Variants in TTC7A observed in about 807,000 individuals in gnomAD.
The protein encoded by TTC7A is tetratricopeptide repeat protein 7A.
Under a neutral mutation model 103.7 loss-of-function variants are expected in TTC7A, and 110 were observed. That is an observed-to-expected ratio of 1.06 (90% CI 0.91 to 1.24). The LOEUF (loss-of-function observed/expected upper bound fraction) is 1.24. TTC7A is among the 50% of genes most tolerant of loss of function. TTC7A has a pLI of 0.00. For synonymous variants in TTC7A, 521 were observed against 467.9 expected (o/e 1.11, Z -1.47); for missense variants, 1,340 against 1,116.3 (o/e 1.20, Z -2.86).
intron 15 of TTC7A, among the ~76,000 whole-genome samples, chr2:47,041,006 C>T (rs1681680973): frequency 6.6e-6 from 1 of 152,184 alleles, no homozygotes; most frequent in African/African-American, 2.4e-5. Flanking sequence ...GGTATTCAGG[C>T]GTTTCGATCA....
intron 18 of TTC7A, chr2:47,054,101 C>T (rs1223085536): frequency 2.0e-6 from 2 of 985,238 alleles, no homozygotes; most frequent in Non-Finnish European, 2.4e-6. Flanking sequence ...ATTCACTCCA[C>T]AGAAGAGAAC....
intron 11 of TTC7A, among the ~76,000 whole-genome samples, chr2:47,016,810 G>A (rs372395182): frequency 6.6e-6 from 1 of 152,212 alleles, no homozygotes; most frequent in African/African-American, 2.4e-5. Context: ...GAGCAGAAGG[G>A]CAGGCGCTGG....
intron 18 of TTC7A, among the ~76,000 whole-genome samples, chr2:47,058,929 C>T (rs1480184707): frequency 2.0e-5 from 3 of 150,090 alleles, no homozygotes; most frequent in African/African-American, 7.4e-5. Context: ...AGGGAGGCCA[C>T]AGAACTGCTT....
chr2:47,049,895 C>T, intron 16 of TTC7A, 54 bp from the exon 17 acceptor site: 2 of 1,369,004 alleles, frequency 1.5e-6, no homozygotes, highest in Non-Finnish European at 2.1e-6. Flanking sequence ...CTCACTGGGC[C>T]CTGTGATGCT....
intron 8 of TTC7A, among the ~76,000 whole-genome samples, chr2:46,998,587 G>C (rs567298687): frequency 8.0e-4 from 122 of 152,324 alleles, no homozygotes; most frequent in African/African-American, 2.4e-3. Context: ...CTCTAGAACA[G>C]CAGCTGGTGA....
At chr2:47,062,528 C>T (rs558358657) in intron 19 of TTC7A, among the ~76,000 whole-genome samples, 1 of 152,304 alleles carries the variant, frequency 6.6e-6, no homozygotes, top group East Asian at 1.9e-4. Flanking sequence ...AATGCCTCGC[C>T]AGAGGTCACA....
chr2:47,049,697 G>C (rs1273336087), intron 16 of TTC7A, among the ~76,000 whole-genome samples: 1 of 152,108 alleles, frequency 6.6e-6, no homozygotes, highest in East Asian at 1.9e-4. Context: ...AGAGAAGATA[G>C]TAGGGAGTGT....
rs1462879647 is a variant in TTC7A, at chr2:46,950,453, T to C, written c.275T>C (p.Leu92Pro). The C allele has an allele frequency of 2.5e-6, 4 of 1,614,042 alleles. No homozygotes were observed. Among genetic ancestry groups the C allele is most frequent in the Non-Finnish European group, 2.5e-6 (3 of 1,180,044 alleles). The change falls in exon 2 of 20, where the codon CTG becomes CCG. Residue 92 changes from leucine to proline, a missense_variant. Transcript: ENST00000319190. ...AAAATAAAAGACTCCATGCCTTTGC[T>C]GGAGAAGAATGAGCCGAAGATGAGC... ...HAKIKDSMPLLEKNEPKMSEA... is the reference protein window; with the variant it reads ...HAKIKDSMPLPEKNEPKMSEA...
intron 17 of TTC7A, among the ~76,000 whole-genome samples, chr2:47,051,437 A>T (rs1682846612): frequency 6.6e-6 from 1 of 152,220 alleles, no homozygotes; most frequent in African/African-American, 2.4e-5. Context: ...ATTGTTGGAC[A>T]CTGAGGTTAT....
At chr2:46,988,583 C>G (rs1376972007) in intron 5 of TTC7A, among the ~76,000 whole-genome samples, 1 of 152,240 alleles carries the variant, frequency 6.6e-6, no homozygotes, top group Non-Finnish European at 1.5e-5. Context: ...TGTTTCAGCT[C>G]AAACCCAGTC....
chr2:47,016,364 C>T (rs1275945862), intron 11 of TTC7A, among the ~76,000 whole-genome samples: 1 of 152,238 alleles, frequency 6.6e-6, no homozygotes, highest in Non-Finnish European at 1.5e-5. Context: ...ACTTCCTAGA[C>T]AGGTGACCTT....
intron 2 of TTC7A, among the ~76,000 whole-genome samples, chr2:46,932,254 A>G (rs892446446): frequency 6.6e-6 from 1 of 151,906 alleles, no homozygotes; most frequent in Non-Finnish European, 1.5e-5. Context: ...GGTTCAAGCA[A>G]TTCCTGTGCC....
intron 11 of TTC7A, among the ~76,000 whole-genome samples, chr2:47,014,009 C>A (rs749836335): frequency 1.3e-5 from 2 of 152,190 alleles, no homozygotes; most frequent in African/African-American, 2.4e-5. Flanking sequence ...GGATACAGAT[C>A]ACATCACATT....
At chr2:46,942,502 C>T (rs532771864) in intron 1 of TTC7A, among the ~76,000 whole-genome samples, 2 of 152,318 alleles carry the variant, frequency 1.3e-5, no homozygotes, top group Non-Finnish European at 2.9e-5. Context: ...TTTTTAAAGA[C>T]TGCTCAGCCT....
At chr2:47,001,240 C>T (rs1450524349) in intron 8 of TTC7A, among the ~76,000 whole-genome samples, 1 of 152,118 alleles carries the variant, frequency 6.6e-6, no homozygotes, top group Non-Finnish European at 1.5e-5. Flanking sequence ...CAGGGCTGGG[C>T]AGAGGGAGAG....
chr2:47,052,331 G>A (rs943360623), intron 18 of TTC7A, among the ~76,000 whole-genome samples: 1 of 152,206 alleles, frequency 6.6e-6, no homozygotes, highest in African/African-American at 2.4e-5. Context: ...CCAGGCGTCT[G>A]AAGGCCAGCC....
chr2:46,984,547 C>T (rs1674809863), intron 5 of TTC7A, among the ~76,000 whole-genome samples: 1 of 152,186 alleles, frequency 6.6e-6, no homozygotes, highest in Admixed American at 6.5e-5. Context: ...ATTGAGAGCC[C>T]CCCGACAGCC....
In TTC7A at chr2:46,917,336, A is replaced by G. The variant is rs1488478297; in HGVS notation, c.82+59A>G. 8 of 615,656 alleles carry G rather than the reference A, an allele frequency of 1.3e-5. No homozygotes were observed. In the Middle Eastern group the frequency reaches 7.5e-4, roughly 58 times the overall value. The allele number at this position is 615,656 out of a possible 1,614,324, so 38.1% of individuals were successfully genotyped here. A position where few individuals can be genotyped will look rare whatever the true frequency, so the allele number is the denominator to read the frequency against. On this transcript the variant is annotated intron_variant, in intron 2 of 20. Transcript: ENST00000409245. ...GTTTTGAGGAAACCCTATTAATTCA[A>G]GACCCATTCTTCTTTCCTTACTCTG... is the stretch of plus-strand genomic sequence containing the variant.
At chr2:47,009,785 C>A (rs1677828087) in intron 10 of TTC7A, among the ~76,000 whole-genome samples, 1 of 151,848 alleles carries the variant, frequency 6.6e-6, no homozygotes, top group African/African-American at 2.4e-5. Context: ...CACACAGGTA[C>A]CTGTAAACCT....
Sources: gnomAD v4.1 joint callset for allele counts (sites outside exome capture counted in the v4.1 genomes callset) on GRCh38, gnomAD v4.1.1 for gene constraint, MANE v1.5 for transcripts, NCBI Gene and HGNC (gene_info 2026-07-23, HGNC 2026-07-21) for gene names.